SHC3: variants seen among roughly 807,000 people sequenced by gnomAD.
SHC3 encodes the protein SHC adaptor protein 3.
A neutral mutation model predicts 60.4 loss-of-function variants in SHC3; 15 were observed. The ratio of observed to expected loss-of-function variants is 0.25; its 90% CI spans 0.17 to 0.38. SHC3 has a LOEUF of 0.38. SHC3 is among the 10% of genes least tolerant of loss of function. The pLI, the probability that SHC3 is intolerant of heterozygous loss-of-function variation, is 1.00. For synonymous variants in SHC3, 294 were observed against 325.9 expected, an observed-to-expected ratio of 0.90 and a Z score of 1.05; for missense variants, 677 against 786.1, an observed-to-expected ratio of 0.86 and a Z score of 1.66.
chr9:89,009,853 C>T lies in SHC3; in HGVS notation c.*3594G>A, dbSNP rs1587671005. The T allele has an allele frequency of 6.6e-6, 1 of 152,362 alleles. No homozygotes were observed. The highest frequency in any genetic ancestry group is 2.4e-5 in the African/African-American group (1 of 41,580). The allele number at this position is 152,362 out of a possible 1,614,324, so 9.4% of individuals were successfully genotyped here. Reference sequence around the variant, plus strand: ...GCATTGCTTATAGAAAGAAGCTACCCAAGTGTCGGACGCTACTGAAAAGGA... The same window carrying T: ...GCATTGCTTATAGAAAGAAGCTACCTAAGTGTCGGACGCTACTGAAAAGGA... On this transcript the variant is annotated 3_prime_UTR_variant, in exon 12 of 12. Transcript: ENST00000375835.
In SHC3 at chr9:89,178,486, G is replaced by T; in HGVS notation, c.-26C>A. The T allele has an allele frequency of 1.4e-6, 2 of 1,421,512 alleles. No individual in the cohort carries two copies. The highest frequency in any genetic ancestry group is 1.8e-6 in the Non-Finnish European group (2 of 1,081,544). 88.1% of individuals were successfully genotyped at this position (1,421,512 alleles called of 1,614,324 possible). On this transcript the variant is annotated 5_prime_UTR_variant, in exon 1 of 12. Coordinates refer to ENST00000375835, the MANE Select transcript of SHC3 (RefSeq NM_016848.6). The surrounding 1 kb of genome is among the most constrained non-coding windows in gnomAD (Gnocchi z 6.9). ...GCCCCTCCGTGGGCTCGCTGCATCCGCCCGGGCGCTGCTGGTGCCGGCCCC... is the reference window on the plus strand; with the variant it reads ...GCCCCTCCGTGGGCTCGCTGCATCCTCCCGGGCGCTGCTGGTGCCGGCCCC...
At chr9:89,089,568 A>G (rs1329565500) in intron 2 of SHC3, among the ~76,000 whole-genome samples, 1 of 152,246 alleles carries the variant, frequency 6.6e-6, no homozygotes, top group East Asian at 1.9e-4. Flanking sequence ...CTGAACCACC[A>G]TACCTAAGAC....
In SHC3 at chr9:89,120,998, C is replaced by T. The variant is rs146114830; in HGVS notation, c.475-8372G>A. Among the ~76,000 whole-genome samples the T allele has an allele frequency of 3.8e-3, 574 of 152,040 alleles. 6 individuals carry two copies. Among genetic ancestry groups the T allele is most frequent in the African/African-American group, 0.013 (556 of 41,526 alleles). On this transcript the variant is annotated intron_variant, in intron 1 of 11. Coordinates refer to ENST00000375835, the MANE Select transcript of SHC3 (RefSeq NM_016848.6). ...TAAAAACCACTGAACACTTCACAGGCCACTTTACACAATAAAGTAGGCAAT... is the reference window on the plus strand; with the variant it reads ...TAAAAACCACTGAACACTTCACAGGTCACTTTACACAATAAAGTAGGCAAT...
chr9:89,103,908 A>T (rs999207886), intron 2 of SHC3, among the ~76,000 whole-genome samples: 1 of 152,098 alleles, frequency 6.6e-6, no homozygotes, highest in African/African-American at 2.4e-5. Flanking sequence ...GTCAGGAGCA[A>T]AGGGATCCCT....
At chr9:89,033,322 T>C (rs1051961610) in intron 11 of SHC3, among the ~76,000 whole-genome samples, 3 of 152,196 alleles carry the variant, frequency 2.0e-5, no homozygotes, top group Non-Finnish European at 4.4e-5. Flanking sequence ...AGATGACATA[T>C]TTAACTAGAT....
At chr9:89,018,697 T>C (rs62551540) in intron 11 of SHC3, among the ~76,000 whole-genome samples, 2 of 146,134 alleles carry the variant, frequency 1.4e-5, no homozygotes, top group African/African-American at 5.1e-5. Flanking sequence ...CTTTCTTTCT[T>C]TCTTTTTTTT....
intron 2 of SHC3, among the ~76,000 whole-genome samples, chr9:89,105,922 T>G (rs1158588979): frequency 6.6e-6 from 1 of 152,208 alleles, no homozygotes; most frequent in African/African-American, 2.4e-5. Context: ...AATCAGCAAC[T>G]GATATTATTA....
intron 2 of SHC3, among the ~76,000 whole-genome samples, chr9:89,100,814 T>G (rs1273305376): frequency 6.6e-6 from 1 of 152,222 alleles, no homozygotes; most frequent in East Asian, 1.9e-4. Flanking sequence ...ACATATTACC[T>G]GTTTTTATTG....
intron 1 of SHC3, among the ~76,000 whole-genome samples, chr9:89,121,382 C>T (rs1826090159): frequency 6.6e-6 from 1 of 152,114 alleles, no homozygotes; most frequent in Middle Eastern, 3.2e-3. Context: ...CCTCTGCCTC[C>T]CGGGTTCAAG....
chr9:89,149,022 C>A (rs1451772252), intron 1 of SHC3, among the ~76,000 whole-genome samples: 15 of 152,160 alleles, frequency 9.9e-5, no homozygotes, highest in Admixed American at 9.8e-4. Flanking sequence ...ATTACTTGAG[C>A]TTGTGGAGTC....
chr9:89,154,781 T>A (rs1340675335), intron 1 of SHC3, among the ~76,000 whole-genome samples: 1 of 152,220 alleles, frequency 6.6e-6, no homozygotes, highest in Non-Finnish European at 1.5e-5. Context: ...GAAGTATGAC[T>A]GGGGTTTGGT....
intron 6 of SHC3, among the ~76,000 whole-genome samples, chr9:89,054,380 C>G (rs1216702236): frequency 6.6e-6 from 1 of 152,226 alleles, no homozygotes; most frequent in Non-Finnish European, 1.5e-5. Context: ...ATGGAGAAAA[C>G]AAGTCACCTG....
intron 1 of SHC3, among the ~76,000 whole-genome samples, chr9:89,136,132 T>C (rs940994622): frequency 6.6e-6 from 1 of 152,110 alleles, no homozygotes; most frequent in Non-Finnish European, 1.5e-5. Context: ...AGGAATATCA[T>C]TACCCCTATT....
chr9:89,080,315 C>A lies in SHC3; in HGVS notation c.546-2412G>T, dbSNP rs556056697. Among the ~76,000 whole-genome samples the A allele has an allele frequency of 4.6e-5, 7 of 152,244 alleles. No individual in the cohort carries two copies. The East Asian group carries it at 9.6e-4, about 21-fold the overall frequency. ...CTGTTTCTGTGAGCCAAATCAAGAC[C>A]TCAGAACTCGGCTAATTTGAAAATG... On this transcript the variant is annotated intron_variant, in intron 2 of 11. Transcript: ENST00000375835.
At chr9:89,112,798 A>G (rs1209542384) in intron 1 of SHC3, among the ~76,000 whole-genome samples, 172 bp from the exon 2 acceptor site, 1 of 152,236 alleles carries the variant, frequency 6.6e-6, no homozygotes, top group Non-Finnish European at 1.5e-5. Flanking sequence ...ACTCACAGCC[A>G]CAAGAAAATA....
chr9:89,062,893 T>C (rs1344519492), intron 6 of SHC3, among the ~76,000 whole-genome samples: 2 of 152,168 alleles, frequency 1.3e-5, no homozygotes, highest in Non-Finnish European at 2.9e-5. Context: ...ACTGGCTCCT[T>C]CATGGAGGAA....
chr9:89,022,620 G>A (rs867892955), intron 11 of SHC3, among the ~76,000 whole-genome samples: 1 of 152,126 alleles, frequency 6.6e-6, no homozygotes, highest in Non-Finnish European at 1.5e-5. Flanking sequence ...GATTTAAGAT[G>A]CTAATGAGAT....
At chr9:89,086,238 G>T (rs2118039834) in intron 2 of SHC3, among the ~76,000 whole-genome samples, 1 of 152,310 alleles carries the variant, frequency 6.6e-6, no homozygotes, top group Non-Finnish European at 1.5e-5. Context: ...GTGTCCCCAA[G>T]ACTGTGCCCC....
chr9:89,030,383 G>A (rs1024657668), intron 11 of SHC3, among the ~76,000 whole-genome samples: 1 of 152,112 alleles, frequency 6.6e-6, no homozygotes, highest in Non-Finnish European at 1.5e-5. Context: ...AGACCTAATA[G>A]ATATCTATAA....
Sources: gnomAD v4.1 joint callset for allele counts (sites outside exome capture counted in the v4.1 genomes callset) on GRCh38, gnomAD v4.1.1 for gene constraint, Gnocchi (gnomAD v3.1) non-coding constraint, MANE v1.5 for transcripts, NCBI Gene and HGNC (gene_info 2026-07-23, HGNC 2026-07-21) for gene names.